The following CDKAL1 variants were observed in gnomAD, a reference collection of about 807,000 sequenced individuals.
CDKAL1 encodes the protein threonylcarbamoyladenosine tRNA methylthiotransferase.
In CDKAL1, 32 loss-of-function variants were observed where a neutral mutation model predicts 68.2. The ratio of observed to expected loss-of-function variants is 0.47; its 90% confidence interval spans 0.35 to 0.63. The LOEUF (loss-of-function observed/expected upper bound fraction) is 0.63, where lower values mean the gene tolerates loss of function less well. CDKAL1 is among the 30% of genes least tolerant of loss of function. The pLI, the probability that CDKAL1 is intolerant of heterozygous loss-of-function variation, is 0.00. For missense variants in CDKAL1, 606 were observed against 696.7 expected, an observed-to-expected ratio of 0.87 and a Z score of 1.47; for synonymous variants, 234 against 244.3, an observed-to-expected ratio of 0.96 and a Z score of 0.39.
At chr6:21,143,378 GAGTGTAAGGT>G (rs1348783580) in intron 13 of CDKAL1, among the ~76,000 whole-genome samples, 1 of 152,028 alleles carries the variant, frequency 6.6e-6, no homozygotes, top group African/African-American at 2.4e-5. Context: ...TGTATCTCAG[GAGTGTAAGGT>G]AGGACCCTAT....
At chr6:20,758,719 T>G in intron 7 of CDKAL1, 76 bp downstream of exon 7, 19 of 987,548 alleles carry the variant, frequency 1.9e-5, no homozygotes, top group Non-Finnish European at 2.4e-5. Context: ...CAGGTAACTC[T>G]TGCCAGGCAC....
At chr6:20,932,772 T>C (rs1763524821) in intron 9 of CDKAL1, among the ~76,000 whole-genome samples, 1 of 152,170 alleles carries the variant, frequency 6.6e-6, no homozygotes, top group Non-Finnish European at 1.5e-5. Flanking sequence ...GAGAGGATAT[T>C]ATCTACCTAG....
chr6:21,201,041 A>T, intron 14 of CDKAL1, 69 bp from the exon 15 acceptor site: 1 of 1,386,064 alleles, frequency 7.2e-7, no homozygotes, highest in East Asian at 2.3e-5. Flanking sequence ...TAATTCTATA[A>T]ATCTGAAACT....
intron 8 of CDKAL1, among the ~76,000 whole-genome samples, chr6:20,823,055 C>T (rs1666130621): frequency 6.6e-6 from 1 of 152,174 alleles, no homozygotes; most frequent in Non-Finnish European, 1.5e-5. Context: ...AGCACACGTA[C>T]ACATTCTCGT....
chr6:20,610,900 C>T (rs1766589336), intron 4 of CDKAL1, among the ~76,000 whole-genome samples: 1 of 152,148 alleles, frequency 6.6e-6, no homozygotes, highest in South Asian at 2.1e-4. Flanking sequence ...GGATCTTGAA[C>T]TTGGGCTCAT....
chr6:20,879,081 T>TA (rs933814828), intron 9 of CDKAL1, among the ~76,000 whole-genome samples: 54 of 146,136 alleles, frequency 3.7e-4, no homozygotes, highest in Middle Eastern at 3.5e-3. Context: ...TCTATCTCAT[T>TA]AAAAAAAAAA....
chr6:21,194,058 A>C (rs181408846), intron 13 of CDKAL1, among the ~76,000 whole-genome samples: 62 of 152,356 alleles, frequency 4.1e-4, no homozygotes, highest in Middle Eastern at 3.4e-3. Flanking sequence ...AGGCAGCCTC[A>C]CATTATAACA....
chr6:20,704,390 G>A (rs1451662053), intron 5 of CDKAL1, among the ~76,000 whole-genome samples: 1 of 152,096 alleles, frequency 6.6e-6, no homozygotes, highest in East Asian at 1.9e-4. Context: ...AATGATTTGA[G>A]CAGGGACCTG....
intron 10 of CDKAL1, among the ~76,000 whole-genome samples, chr6:20,978,684 A>G (rs1765963126): frequency 6.6e-6 from 1 of 152,218 alleles, no homozygotes; most frequent in Non-Finnish European, 1.5e-5. Flanking sequence ...GAAATACAGT[A>G]TATTTTCTTT....
chr6:20,722,263 GTT>G (rs535662911), intron 5 of CDKAL1: 4 of 148,392 alleles, frequency 2.7e-5, no homozygotes, highest in South Asian at 2.1e-4. Flanking sequence ...AAAAATGAGG[GTT>G]TTTTTTTTTC....
chr6:20,810,546 A>G (rs1010589489), intron 8 of CDKAL1, among the ~76,000 whole-genome samples: 1 of 151,130 alleles, frequency 6.6e-6, no homozygotes, highest in African/African-American at 2.4e-5. Flanking sequence ...GCAGTGAGCT[A>G]TGATCATTCC....
intron 8 of CDKAL1, among the ~76,000 whole-genome samples, chr6:20,821,632 CT>C (rs1313522980): frequency 8.2e-5 from 1 of 12,264 alleles, no homozygotes; most frequent in Non-Finnish European, 1.6e-4. Flanking sequence ...GTCCCAGATG[CT>C]TTGGAACAGA....
chr6:20,729,668 C>T (rs546709103), intron 5 of CDKAL1, among the ~76,000 whole-genome samples: 5 of 152,220 alleles, frequency 3.3e-5, no homozygotes, highest in East Asian at 3.9e-4. Context: ...CAGGTAAAGA[C>T]GCTGAAGCAG....
chr6:20,918,712 T>C (rs905492591), intron 9 of CDKAL1, among the ~76,000 whole-genome samples: 1 of 152,268 alleles, frequency 6.6e-6, no homozygotes, highest in Non-Finnish European at 1.5e-5. Context: ...TTACTTCCGC[T>C]TCTCAGTTTC....
At chr6:21,163,676 C>T (rs1266911958) in intron 13 of CDKAL1, among the ~76,000 whole-genome samples, 2 of 152,092 alleles carry the variant, frequency 1.3e-5, no homozygotes, top group East Asian at 1.9e-4. Context: ...TCTGGCCGGG[C>T]GCGGTGGCTC....
chr6:20,971,204 T>G (rs1399738830), intron 10 of CDKAL1, among the ~76,000 whole-genome samples: 1 of 152,206 alleles, frequency 6.6e-6, no homozygotes, highest in East Asian at 1.9e-4. Context: ...TATTATGTTG[T>G]TATTTCTATT....
At chr6:21,226,858 TC>T (rs1204551996) in intron 15 of CDKAL1, among the ~76,000 whole-genome samples, 4 of 152,046 alleles carry the variant, frequency 2.6e-5, no homozygotes, top group African/African-American at 9.7e-5. Flanking sequence ...GACTACAGGC[TC>T]CCGCCACCAC....
At chr6:20,853,715 C>T (rs963958827) in intron 9 of CDKAL1, among the ~76,000 whole-genome samples, 2 of 152,088 alleles carry the variant, frequency 1.3e-5, no homozygotes, top group Non-Finnish European at 2.9e-5. Context: ...GAGGGCTTTG[C>T]GTTTTCTAAA....
intron 5 of CDKAL1, among the ~76,000 whole-genome samples, chr6:20,653,818 G>A (rs761261792): frequency 6.6e-6 from 1 of 152,022 alleles, no homozygotes; most frequent in Non-Finnish European, 1.5e-5. Context: ...TCACCATGTT[G>A]GCCAGGATGA....
Sources: allele counts gnomAD v4.1 joint callset (sites outside exome capture counted in the v4.1 genomes callset), GRCh38; gene constraint gnomAD v4.1.1; transcripts MANE v1.5; gene names NCBI Gene and HGNC (gene_info 2026-07-23, HGNC 2026-07-21).